Variants in UBE2H observed in about 807,000 individuals in gnomAD.
UBE2H encodes the protein ubiquitin-conjugating enzyme E2 H.
A neutral mutation model predicts 29.0 loss-of-function variants in UBE2H; 3 were observed. The observed-to-expected ratio is 0.10, with a 90% CI of 0.05 to 0.27. The LOEUF is 0.27. UBE2H is among the 10% of genes least tolerant of loss of function. UBE2H has a pLI of 1.00. For missense variants in UBE2H, 68 were observed against 228.2 expected (o/e 0.30, Z 4.52); for synonymous variants, 69 against 82.9 (o/e 0.83, Z 0.91).
At chr7:129,877,514 A>G (rs1806169190) in intron 3 of UBE2H, among the ~76,000 whole-genome samples, 1 of 152,170 alleles carries the variant, frequency 6.6e-6, no homozygotes, top group African/African-American at 2.4e-5. Flanking sequence ...CTCTTATGCA[A>G]CCTTCCTCTA....
chr7:129,877,708 TAAGA>T (rs1357801746), intron 3 of UBE2H, among the ~76,000 whole-genome samples: 1 of 152,224 alleles, frequency 6.6e-6, no homozygotes, highest in African/African-American at 2.4e-5. Flanking sequence ...ATCATTAATT[TAAGA>T]AAGCGTGGAG....
chr7:129,932,698 C>T (rs972935490), intron 1 of UBE2H, among the ~76,000 whole-genome samples: 2 of 146,396 alleles, frequency 1.4e-5, no homozygotes, highest in African/African-American at 5.0e-5. Flanking sequence ...TGCCTGAACC[C>T]GGAAGGCGGA....
At chr7:129,938,195 G>C (rs1010584007) in intron 1 of UBE2H, among the ~76,000 whole-genome samples, 1 of 151,984 alleles carries the variant, frequency 6.6e-6, no homozygotes, top group Non-Finnish European at 1.5e-5. Flanking sequence ...AGGATTGCTT[G>C]AACTCAGGAG....
At chr7:129,941,904 AC>A (rs372788747) in intron 1 of UBE2H, among the ~76,000 whole-genome samples, 3 of 152,094 alleles carry the variant, frequency 2.0e-5, no homozygotes, top group African/African-American at 7.2e-5. Context: ...AATTTTAAGC[AC>A]CATTTCACTA....
chr7:129,870,967 G>GT (rs1285139200), intron 3 of UBE2H, among the ~76,000 whole-genome samples: 1 of 152,078 alleles, frequency 6.6e-6, no homozygotes, highest in Non-Finnish European at 1.5e-5. Flanking sequence ...ATCAGGGCTG[G>GT]TTTTTGTTTT....
chr7:129,888,621 C>T (rs1314621173), intron 1 of UBE2H, among the ~76,000 whole-genome samples: 5 of 152,150 alleles, frequency 3.3e-5, no homozygotes, highest in Non-Finnish European at 5.9e-5. Context: ...ATTACAGGCG[C>T]CTGGCACCAC....
intron 1 of UBE2H, among the ~76,000 whole-genome samples, chr7:129,894,780 C>T (rs943142782): frequency 5.3e-5 from 8 of 152,088 alleles, no homozygotes; most frequent in Middle Eastern, 3.4e-3. Context: ...TGAGCCACCG[C>T]GCCCGGCCCA....
At chr7:129,932,635 G>A (rs1288530368) in intron 1 of UBE2H, among the ~76,000 whole-genome samples, 2 of 151,580 alleles carry the variant, frequency 1.3e-5, no homozygotes, top group East Asian at 2.0e-4. Flanking sequence ...TTAGCCGGGC[G>A]TGGTGGTGGG....
intron 1 of UBE2H, among the ~76,000 whole-genome samples, chr7:129,881,399 C>A (rs1030054355): frequency 2.6e-5 from 4 of 152,216 alleles, no homozygotes; most frequent in African/African-American, 9.6e-5. Context: ...GTAATCCCAA[C>A]AGTTTGAGAG....
chr7:129,914,590 T>C (rs999186196), intron 1 of UBE2H, among the ~76,000 whole-genome samples: 1 of 152,224 alleles, frequency 6.6e-6, no homozygotes, highest in Non-Finnish European at 1.5e-5. Context: ...ATACACTCAG[T>C]GGCAAGAACA....
At chr7:129,841,266 C>T (rs1364607099) in intron 5 of UBE2H, among the ~76,000 whole-genome samples, 1 of 152,170 alleles carries the variant, frequency 6.6e-6, no homozygotes, top group Non-Finnish European at 1.5e-5. Context: ...TGGCTGTATT[C>T]CTATAAAACT....
chr7:129,879,963 C>T (rs903015214), intron 2 of UBE2H, among the ~76,000 whole-genome samples: 1 of 152,096 alleles, frequency 6.6e-6, no homozygotes, highest in East Asian at 1.9e-4. Context: ...ATTCATCCCC[C>T]CTCCAAGGCC....
intron 1 of UBE2H, among the ~76,000 whole-genome samples, chr7:129,902,472 C>T (rs1172385418): frequency 1.3e-5 from 2 of 152,208 alleles, no homozygotes; most frequent in Non-Finnish European, 2.9e-5. Context: ...TGCACTCCAG[C>T]CTGGGCGACA....
At chr7:129,856,530 T>C (rs1805707936) in intron 5 of UBE2H, among the ~76,000 whole-genome samples, 1 of 151,078 alleles carries the variant, frequency 6.6e-6, no homozygotes, top group Admixed American at 6.6e-5. Flanking sequence ...AAAAAGGAGC[T>C]ATAAAATGTA....
In UBE2H at chr7:129,860,714, GT is replaced by G. The variant is rs796240053; in HGVS notation, c.206-1774del. ...TTGTATACATCTAAAGCTGAGTTTT[GT>G]TTTTTTTTTTTAAGTTGCAGGATGT... On this transcript the variant is annotated intron_variant, in intron 3 of 6. Coordinates refer to ENST00000355621, the MANE Select transcript of UBE2H (RefSeq NM_003344.4). Among the ~76,000 whole-genome samples the G allele has an allele frequency of 4.9e-3, 693 of 142,258 alleles. 5 individuals carry two copies. Among genetic ancestry groups the G allele is most frequent in the African/African-American group, 0.014 (553 of 39,048 alleles). 93.3% of individuals were successfully genotyped at this position (142,258 alleles called of 152,430 possible). A position where few individuals can be genotyped will look rare whatever the true frequency, so the allele number is the denominator to read the frequency against.
intron 1 of UBE2H, among the ~76,000 whole-genome samples, chr7:129,935,876 G>A (rs1291338177): frequency 6.6e-6 from 1 of 152,048 alleles, no homozygotes; most frequent in Non-Finnish European, 1.5e-5. Context: ...CTAATCTGAA[G>A]CGGTACAGTC....
chr7:129,879,729 C>T (rs902599411), intron 2 of UBE2H, 87 bp from the exon 3 acceptor site: 2 of 1,230,014 alleles, frequency 1.6e-6, no homozygotes, highest in Admixed American at 4.1e-5. Context: ...ATCCCCTAAT[C>T]TTCTGAAAAC....
intron 1 of UBE2H, among the ~76,000 whole-genome samples, chr7:129,909,456 GC>G (rs1248065997): frequency 6.6e-6 from 1 of 152,190 alleles, no homozygotes; most frequent in Admixed American, 6.5e-5. Context: ...ACGGTTCAGA[GC>G]CCCAGGTTTG....
At chr7:129,946,737 G>C (rs1807774216) in intron 1 of UBE2H, among the ~76,000 whole-genome samples, 2 of 152,132 alleles carry the variant, frequency 1.3e-5, no homozygotes, top group South Asian at 4.1e-4. Context: ...GAGAACTACT[G>C]TTTAAAGAAC....
Sources: allele counts gnomAD v4.1 joint callset (sites outside exome capture counted in the v4.1 genomes callset), GRCh38; gene constraint gnomAD v4.1.1; transcripts MANE v1.5; gene names NCBI Gene and HGNC (gene_info 2026-07-23, HGNC 2026-07-21).